TRPS1: variants seen among roughly 807,000 people sequenced by gnomAD.
The protein encoded by TRPS1 is transcriptional repressor GATA binding 1.
A neutral mutation model predicts 101.2 loss-of-function variants in TRPS1; 6 were observed. The observed-to-expected ratio is 0.06, with a 90% confidence interval of 0.03 to 0.12. TRPS1 has a LOEUF of 0.12. TRPS1 is among the 10% of genes least tolerant of loss of function. The pLI, the probability that TRPS1 is intolerant of heterozygous loss-of-function variation, is 1.00. For missense variants in TRPS1, 1,363 were observed against 1,567.0 expected, an observed-to-expected ratio of 0.87 and a Z score of 2.20; for synonymous variants, 578 against 589.8, an observed-to-expected ratio of 0.98 and a Z score of 0.29.
chr8:115,444,068 T>A (rs964779392), intron 5 of TRPS1, among the ~76,000 whole-genome samples: 1 of 152,214 alleles, frequency 6.6e-6, no homozygotes, highest in African/African-American at 2.4e-5. Flanking sequence ...ATGTAGTTTA[T>A]CATTAGCATC....
chr8:115,646,893 C>G (rs1043057288), intron 1 of TRPS1, among the ~76,000 whole-genome samples: 1 of 152,120 alleles, frequency 6.6e-6, no homozygotes, highest in African/African-American at 2.4e-5. Flanking sequence ...AATACTATAA[C>G]TTATGAAATC....
At chr8:115,562,257 T>A (rs894753170) in intron 5 of TRPS1, among the ~76,000 whole-genome samples, 1 of 152,216 alleles carries the variant, frequency 6.6e-6, no homozygotes, top group South Asian at 2.1e-4. Context: ...AGGAAGACCA[T>A]TCCCTTTATT....
chr8:115,492,482 CG>C (rs1815049975), intron 5 of TRPS1, among the ~76,000 whole-genome samples: 1 of 141,290 alleles, frequency 7.1e-6, no homozygotes, highest in Non-Finnish European at 1.5e-5. Flanking sequence ...TGTGTGTGTG[CG>C]TGCGTGTGCG....
chr8:115,569,028 T>C (rs1354442536), intron 5 of TRPS1, among the ~76,000 whole-genome samples: 1 of 152,088 alleles, frequency 6.6e-6, no homozygotes, highest in East Asian at 1.9e-4. Context: ...AGTAACAAAG[T>C]GGAGTTTCAT....
At chr8:115,623,521 AT>A in intron 2 of TRPS1, 79 bp downstream of exon 2, 1 of 1,527,744 alleles carries the variant, frequency 6.5e-7, no homozygotes, top group Non-Finnish European at 9.0e-7. Flanking sequence ...TCTAAGACAA[AT>A]AACAGATTGC....
Position 115,414,039 on chromosome 8 carries a change from C to T in TRPS1, c.3869G>A (p.Gly1290Glu). The change falls in exon 7 of 7, where the codon GGA becomes GAA. Residue 1290 changes from glycine (G) to glutamate (E), a missense_variant. Physicochemically the swap from Gly to Glu is moderately conservative, Grantham distance 98 (BLOSUM62 -2). Transcript: ENST00000395715. The surrounding 1 kb of genome is among the most constrained non-coding windows in gnomAD (Gnocchi z 4.8). ...HRNNAQVEKN[G>E]KPKE ...GCTAAGGTTTTACTCTTTAGGTTTT[C>T]CATTTTTTTCCACTTGTGCATTGTT... The T allele has an allele frequency of 6.2e-7, 1 of 1,613,514 alleles. No homozygotes were observed. The highest frequency in any genetic ancestry group is 8.5e-7 in the Non-Finnish European group (1 of 1,179,772).
intron 1 of TRPS1, among the ~76,000 whole-genome samples, chr8:115,629,252 T>G (rs1818583640): frequency 6.6e-6 from 1 of 151,824 alleles, no homozygotes; most frequent in Admixed American, 6.6e-5. Flanking sequence ...GATTTGTTTT[T>G]GTTTTTTTGT....
intron 5 of TRPS1, among the ~76,000 whole-genome samples, chr8:115,572,313 A>G (rs946532058): frequency 5.9e-5 from 9 of 152,162 alleles, no homozygotes; most frequent in African/African-American, 2.2e-4. Flanking sequence ...TCTGTAGGCT[A>G]GTGTACTATG....
chr8:115,432,498 T>C (rs1813346757), intron 5 of TRPS1, among the ~76,000 whole-genome samples: 1 of 151,866 alleles, frequency 6.6e-6, no homozygotes, highest in Admixed American at 6.6e-5. Context: ...TTCATATTTG[T>C]ATTTTTTTAA....
At chr8:115,458,768 G>T (rs376692175) in intron 5 of TRPS1, among the ~76,000 whole-genome samples, 1 of 152,336 alleles carries the variant, frequency 6.6e-6, no homozygotes, top group South Asian at 2.1e-4. Context: ...ACTGGGGCAT[G>T]CCGTGTTCAT....
At chr8:115,518,597 A>G (rs1028201551) in intron 5 of TRPS1, among the ~76,000 whole-genome samples, 1 of 151,896 alleles carries the variant, frequency 6.6e-6, no homozygotes, top group African/African-American at 2.4e-5. Context: ...TATTTTTCCT[A>G]AAGTGGAGCT....
At chr8:115,625,333 T>C (rs1818481942) in intron 1 of TRPS1, among the ~76,000 whole-genome samples, 1 of 151,938 alleles carries the variant, frequency 6.6e-6, no homozygotes, top group African/African-American at 2.4e-5. Context: ...TCTTTACCTG[T>C]ACAATAAGGG....
intron 5 of TRPS1, among the ~76,000 whole-genome samples, chr8:115,509,062 T>C (rs1342228825): frequency 6.6e-6 from 1 of 152,018 alleles, no homozygotes; most frequent in Non-Finnish European, 1.5e-5. Context: ...AATCTTAAAA[T>C]TCCTCTCTGT....
intron 5 of TRPS1, among the ~76,000 whole-genome samples, chr8:115,431,202 CTT>C (rs1450636952): frequency 2.0e-5 from 3 of 151,958 alleles, no homozygotes; most frequent in African/African-American, 7.2e-5. Flanking sequence ...TTCTTTCTCT[CTT>C]AATTTCAGAA....
At position 115,570,689 on chromosome 8, in the gene TRPS1, TCACACACACA is replaced by T. The variant is rs35198890; in HGVS notation, c.2700+16302_2700+16311del. On this transcript the variant is annotated intron_variant, in intron 5 of 6. Transcript: ENST00000395715. ...AACCTCAAAAAAAACACACACACAC[TCACACACACA>T]CACACACACACACACACACACTCAC... Among the ~76,000 whole-genome samples, 71 of 95,782 alleles carry T rather than the reference TCACACACACA, an allele frequency of 7.4e-4. No homozygotes were observed. In the South Asian group the frequency reaches 0.023, roughly 31 times the overall value. The allele number at this position is 95,782 out of a possible 152,430, so 62.8% of individuals were successfully genotyped here.
rs772871888 is a variant in TRPS1, at chr8:115,415,059, T to C, written c.2849A>G (p.Lys950Arg). ...AATAATCTGCTCACCGTTGTTTTGT[T>C]TAATGATGTTTAAAGGCCTGGGAGT... ...HSTPRPLNII[K>R]QNNGEQIIRR... is the part of the protein sequence containing the mutation. The change falls in exon 7 of 7, where the codon AAA becomes AGA. Residue 950 changes from lysine (K) to arginine (R), a missense_variant. Around this residue, in one of 5 missense-constraint regions of TRPS1, gnomAD observed 12 missense variants for 28.0 expected, o/e 0.43. Coordinates refer to ENST00000395715, the MANE Select transcript of TRPS1 (RefSeq NM_014112.5). 26 of 1,595,524 alleles carry C rather than the reference T, an allele frequency of 1.6e-5. No homozygotes were observed. In the Admixed American group the frequency reaches 4.4e-4, roughly 27 times the overall value.
intron 3 of TRPS1, among the ~76,000 whole-genome samples, chr8:115,617,515 T>C (rs1242460368): frequency 6.6e-6 from 1 of 152,168 alleles, no homozygotes; most frequent in Non-Finnish European, 1.5e-5. Context: ...CCTTAGTAAT[T>C]TTCGTTTTTA....
Position 115,476,057 on chromosome 8 carries a change from C to T in TRPS1, c.2701-57605G>A, listed in dbSNP as rs1428014963. ...TTTTTGAGACGGAGTCTCGCTCTGTCGCCCAGGCTGGAGTGCAGTGGCGGG... is the reference window on the plus strand; with the variant it reads ...TTTTTGAGACGGAGTCTCGCTCTGTTGCCCAGGCTGGAGTGCAGTGGCGGG... On this transcript the variant is annotated intron_variant, in intron 5 of 6. Transcript: ENST00000395715. 6.7e-3 allele frequency among the ~76,000 whole-genome samples: 93 copies of T among 13,932 alleles called. 24 individuals are homozygous for T. The highest frequency in any genetic ancestry group is 0.02 in the Admixed American group (13 of 664). The allele number at this position is 13,932 out of a possible 152,430, so 9.1% of individuals were successfully genotyped here.
intron 5 of TRPS1, among the ~76,000 whole-genome samples, chr8:115,535,374 A>G (rs1816284396): frequency 1.3e-5 from 2 of 148,468 alleles, no homozygotes; most frequent in Admixed American, 6.8e-5. Context: ...TATATATAGC[A>G]TATATATAGC....
Sources: allele counts gnomAD v4.1 joint callset (sites outside exome capture counted in the v4.1 genomes callset), GRCh38; gene constraint gnomAD v4.1.1; regional missense constraint gnomAD v4.1.1; non-coding constraint Gnocchi (gnomAD v3.1); transcripts MANE v1.5; gene names NCBI Gene and HGNC (gene_info 2026-07-23, HGNC 2026-07-21).